The following TAFA2 variants were observed in gnomAD, a reference collection of about 807,000 sequenced individuals.
The protein encoded by TAFA2 is TAFA chemokine like family member 2, also known as chemokine-like protein TAFA-2.
A neutral mutation model predicts 18.8 loss-of-function variants in TAFA2; 7 were observed. The ratio of observed to expected loss-of-function variants is 0.37; its 90% CI spans 0.21 to 0.70. The LOEUF (loss-of-function observed/expected upper bound fraction) is 0.70. TAFA2 is among the 30% of genes least tolerant of loss of function. The pLI, the probability that TAFA2 is intolerant of heterozygous loss-of-function variation, is 0.53. For missense variants in TAFA2, 122 were observed against 158.1 expected (o/e 0.77, Z 1.23); for synonymous variants, 60 against 54.2 (o/e 1.11, Z -0.47).
intron 1 of TAFA2, among the ~76,000 whole-genome samples, chr12:62,103,804 G>A (rs1869318673): frequency 1.3e-5 from 2 of 151,248 alleles, no homozygotes; most frequent in South Asian, 2.1e-4. Context: ...TGGAGGGGCA[G>A]GATGGTATGC....
chr12:61,827,345 CAT>C (rs1468970693), intron 2 of TAFA2: 2 of 152,018 alleles, frequency 1.3e-5, no homozygotes, highest in African/African-American at 4.8e-5. Context: ...GATCTTAAGT[CAT>C]GTTGCTGAAC....
intron 1 of TAFA2, among the ~76,000 whole-genome samples, chr12:62,217,604 T>C (rs1260178813): frequency 2.6e-5 from 4 of 152,198 alleles, no homozygotes; most frequent in Non-Finnish European, 4.4e-5. Context: ...CTGATCCAGA[T>C]GTAAAGTTAT....
At chr12:62,128,552 T>G (rs1450681177) in intron 1 of TAFA2, among the ~76,000 whole-genome samples, 2 of 151,962 alleles carry the variant, frequency 1.3e-5, no homozygotes, top group East Asian at 3.9e-4. Context: ...TTTTACCACG[T>G]ATATCTCCCC....
rs1416030829 is a variant in TAFA2 at position 61,974,850 on chromosome 12, C to T, written c.-1-107424G>A. Among the ~76,000 whole-genome samples the T allele has an allele frequency of 3.3e-5, 5 of 151,836 alleles. No homozygotes were observed. In the South Asian group the frequency reaches 8.3e-4, roughly 25 times the overall value. On this transcript the variant is annotated intron_variant, in intron 1 of 4. Transcript: ENST00000416284. The stretch of plus-strand genomic sequence containing the variant: ...GTAAATTGACTGCCTGGTAAAAAGC[C>T]TCTTACGTCTCAATCTCCTAGGGTG...
intron 1 of TAFA2, among the ~76,000 whole-genome samples, chr12:61,983,383 GTTTGTTTTGTTTTGT>G (rs10524394): frequency 8.9e-5 from 13 of 146,642 alleles, no homozygotes; most frequent in African/African-American, 2.3e-4. Flanking sequence ...CTGGGATTCT[GTTTGTTTTGTTTTGT>G]TTTGTTTTGT....
chr12:62,172,421 C>T (rs1287542982), intron 1 of TAFA2, among the ~76,000 whole-genome samples: 1 of 152,108 alleles, frequency 6.6e-6, no homozygotes, highest in African/African-American at 2.4e-5. Context: ...AAAAGAGGGC[C>T]CCAAAAGCTC....
chr12:62,094,127 C>T (rs1298027368), intron 1 of TAFA2, among the ~76,000 whole-genome samples: 1 of 151,880 alleles, frequency 6.6e-6, no homozygotes, highest in African/African-American at 2.4e-5. Flanking sequence ...GCTAATGTTC[C>T]CCATTCTTCT....
intron 1 of TAFA2, among the ~76,000 whole-genome samples, chr12:62,185,529 C>G (rs1168033876): frequency 1.3e-5 from 2 of 152,192 alleles, no homozygotes; most frequent in Non-Finnish European, 2.9e-5. Context: ...TTTCTGAACA[C>G]TCTAGCACCA....
At chr12:62,154,704 T>C (rs2062356313) in intron 1 of TAFA2, among the ~76,000 whole-genome samples, 2 of 152,110 alleles carry the variant, frequency 1.3e-5, no homozygotes, top group African/African-American at 2.4e-5. Flanking sequence ...AAATAAAACA[T>C]TTACGATAAT....
At chr12:62,099,503 C>G (rs571173480) in intron 1 of TAFA2, among the ~76,000 whole-genome samples, 1 of 152,140 alleles carries the variant, frequency 6.6e-6, no homozygotes, top group Non-Finnish European at 1.5e-5. Context: ...CACCTGCAGG[C>G]TTTTGGCAAT....
At chr12:61,809,481 T>C (rs181083111) in intron 2 of TAFA2, among the ~76,000 whole-genome samples, 73 of 151,446 alleles carry the variant, frequency 4.8e-4, no homozygotes, top group Non-Finnish European at 9.8e-4. Flanking sequence ...CCAGATGTGG[T>C]TCAGAAGTAG....
intron 1 of TAFA2, among the ~76,000 whole-genome samples, chr12:62,015,986 G>A (rs982666259): frequency 2.0e-5 from 3 of 152,162 alleles, no homozygotes; most frequent in African/African-American, 4.8e-5. Context: ...GTTGCACAAC[G>A]TTAATAGATG....
At chr12:62,173,012 C>T (rs2062488869) in intron 1 of TAFA2, among the ~76,000 whole-genome samples, 1 of 152,100 alleles carries the variant, frequency 6.6e-6, no homozygotes, top group African/African-American at 2.4e-5. Flanking sequence ...GTGAGGAATA[C>T]ATGAACTAAT....
intron 2 of TAFA2, among the ~76,000 whole-genome samples, chr12:61,810,913 A>G (rs915846294): frequency 6.6e-5 from 10 of 151,334 alleles, no homozygotes; most frequent in Non-Finnish European, 1.3e-4. Context: ...AGACCAACCT[A>G]CCACCATTCC....
At chr12:62,091,958 T>G (rs1028019629) in intron 1 of TAFA2, among the ~76,000 whole-genome samples, 1 of 152,006 alleles carries the variant, frequency 6.6e-6, no homozygotes, top group Non-Finnish European at 1.5e-5. Flanking sequence ...CATTCTTTGG[T>G]GTGACACTGA....
chr12:62,251,082 A>G (rs879326562), intron 1 of TAFA2, among the ~76,000 whole-genome samples: 1 of 150,334 alleles, frequency 6.7e-6, no homozygotes, highest in Non-Finnish European at 1.5e-5. Context: ...TTTGATGTAT[A>G]AAGTACAGTG....
intron 4 of TAFA2, among the ~76,000 whole-genome samples, chr12:61,716,640 CA>C (rs1467127078): frequency 6.6e-6 from 1 of 152,008 alleles, no homozygotes; most frequent in East Asian, 1.9e-4. Context: ...AACTATTAAA[CA>C]ATATTTATAT....
At chr12:61,914,968 G>C (rs1030495440) in intron 1 of TAFA2, among the ~76,000 whole-genome samples, 1 of 152,134 alleles carries the variant, frequency 6.6e-6, no homozygotes, top group African/African-American at 2.4e-5. Flanking sequence ...TTCAAGACCA[G>C]GCTGGCCAAC....
chr12:62,021,649 T>C, intron 1 of TAFA2: 1 of 1,242,150 alleles, frequency 8.1e-7, no homozygotes, highest in East Asian at 2.3e-5. Context: ...GTGTGCAGTA[T>C]CTCATCTTTG....
Sources: gnomAD v4.1 joint callset for allele counts (sites outside exome capture counted in the v4.1 genomes callset) on GRCh38, gnomAD v4.1.1 for gene constraint, MANE v1.5 for transcripts, NCBI Gene and HGNC (gene_info 2026-07-23, HGNC 2026-07-21) for gene names.